CYP4F12: variants seen among roughly 807,000 people sequenced by gnomAD.
CYP4F12 encodes the protein cytochrome P450 family 4 subfamily F member 12, also known as cytochrome P450 4F12.
In CYP4F12, 60 loss-of-function variants were observed where a neutral mutation model predicts 56.5. The ratio of observed to expected loss-of-function variants is 1.06; its 90% CI spans 0.86 to 1.32. The LOEUF (loss-of-function observed/expected upper bound fraction) is 1.32, where lower values mean the gene tolerates loss of function less well. CYP4F12 is among the 40% of genes most tolerant of loss of function. The probability of loss-of-function intolerance (pLI) is 0.00; values close to 1 mark genes in which losing one functional copy is unlikely to be tolerated. For missense variants in CYP4F12, 711 were observed against 683.5 expected (o/e 1.04, Z -0.45); for synonymous variants, 263 against 264.9 (o/e 0.99, Z 0.07).
At chr19:15,687,974 C>G (rs950459164) in intron 9 of CYP4F12, among the ~76,000 whole-genome samples, 1 of 152,102 alleles carries the variant, frequency 6.6e-6, no homozygotes, top group African/African-American at 2.4e-5. Context: ...ACTCCCTTGA[C>G]CAGAACCCGG....
At chr19:15,695,552 T>G (rs2008088580) in intron 9 of CYP4F12, among the ~76,000 whole-genome samples, 1 of 152,012 alleles carries the variant, frequency 6.6e-6, no homozygotes, top group Admixed American at 6.5e-5. Context: ...CCTTGCCTAA[T>G]TGCACTTGCT....
Position 15,689,149 on chromosome 19 carries a change from C to T in CYP4F12, c.1115+3952C>T, listed in dbSNP as rs546277341. ...ACAAAATAATAATAATAATAATAGCCGACTTAACAGACAACCTACAGAGTG... is the reference window on the plus strand; with the variant it reads ...ACAAAATAATAATAATAATAATAGCTGACTTAACAGACAACCTACAGAGTG... On this transcript the variant is annotated intron_variant, in intron 9 of 12. Transcript: ENST00000550308. Among the ~76,000 whole-genome samples, 16 of 84,028 alleles carry T rather than the reference C, an allele frequency of 1.9e-4. 1 individual carries two copies. In the South Asian group the frequency reaches 3.8e-3, roughly 20 times the overall value. 55.1% of individuals were successfully genotyped at this position (84,028 alleles called of 152,430 possible).
chr19:15,673,464 T>C, intron 1 of CYP4F12, 65 bp from the exon 2 acceptor site: 1 of 1,523,566 alleles, frequency 6.6e-7, no homozygotes, highest in Non-Finnish European at 9.0e-7. Flanking sequence ...TTCGCCCCTA[T>C]ACACTGTCCC....
chr19:15,696,606 C>T, intron 12 of CYP4F12, 94 bp downstream of exon 12: 1 of 1,403,502 alleles, frequency 7.1e-7, no homozygotes, highest in South Asian at 1.3e-5. Context: ...TCCAGCTCTC[C>T]TTCCCTCCAT....
rs1599935067 is a variant in CYP4F12 at position 15,673,693 on chromosome 19, C to A, written c.164C>A (p.Pro55Gln). 1 of 1,614,112 alleles carries A rather than the reference C, an allele frequency of 6.2e-7. No individual in the cohort carries two copies. The highest frequency in any genetic ancestry group is 1.7e-5 in the Admixed American group (1 of 60,006). The change falls in exon 2 of 13, where the codon CCA (proline) becomes CAA (glutamine). Residue 55 changes from proline to glutamine, a missense_variant. Physicochemically the swap from Pro to Gln is moderately conservative, Grantham distance 76. Transcript: ENST00000550308. ...CRRLQCFPQP[P>Q]KRNWFWGHLG... is the part of the protein sequence containing the mutation. ...CGGCTCCAGTGTTTCCCACAGCCCC[C>A]AAAACGGAACTGGTTTTGGGGTCAC...
At position 15,673,654 on chromosome 19, in the gene CYP4F12, A is replaced by G. The variant is rs751728638; in HGVS notation, c.125A>G (p.Tyr42Cys). 21 of 1,614,094 alleles carry G rather than the reference A, an allele frequency of 1.3e-5. No homozygotes were observed. The highest frequency in any genetic ancestry group is 4.4e-5 in the South Asian group (4 of 91,078). Reference protein sequence around the residue: ...ARILAWTYAFYNNCRRLQCFP... With the variant: ...ARILAWTYAFCNNCRRLQCFP... The stretch of plus-strand genomic sequence containing the variant: ...ATCCTGGCTTGGACCTATGCCTTCT[A>G]TAACAACTGCCGCCGGCTCCAGTGT... The change falls in exon 2 of 13, where the codon TAT becomes TGT. Residue 42 changes from tyrosine to cysteine, a missense_variant. Tyr to Cys is a radical substitution (Grantham distance 194). Coordinates refer to ENST00000550308, the MANE Select transcript of CYP4F12 (RefSeq NM_023944.4).
chr19:15,693,081 C>T (rs929980528), intron 9 of CYP4F12, among the ~76,000 whole-genome samples: 10 of 151,954 alleles, frequency 6.6e-5, no homozygotes, highest in East Asian at 1.9e-4. Context: ...TCCCTCCCCC[C>T]ATCAAAAAAG....
chr19:15,675,084 C>A (rs1004726428), intron 2 of CYP4F12, among the ~76,000 whole-genome samples: 1 of 152,228 alleles, frequency 6.6e-6, no homozygotes, highest in Non-Finnish European at 1.5e-5. Flanking sequence ...TCTCCCACAC[C>A]CTCTCCTTCC....
intron 1 of CYP4F12, 93 bp from the exon 2 acceptor site, chr19:15,673,436 C>T (rs2006723721): frequency 7.1e-7 from 1 of 1,412,714 alleles, no homozygotes; most frequent in East Asian, 2.3e-5. Context: ...CCCTGCCCTG[C>T]CCCCAGCAGT....
rs752721027 is a variant in CYP4F12, at chr19:15,696,001, C to T, written c.1181C>T (p.Pro394Leu). The T allele has an allele frequency of 5.6e-6, 9 of 1,613,890 alleles. No individual in the cohort carries two copies. The highest frequency in any genetic ancestry group is 7.6e-6 in the Non-Finnish European group (9 of 1,179,968). The change falls in exon 10 of 13, where the codon CCA becomes CTA. Residue 394 changes from proline to leucine, a missense_variant. Coordinates refer to ENST00000550308, the MANE Select transcript of CYP4F12 (RefSeq NM_023944.4). Reference sequence around the variant, plus strand: ...AAGGAGAGCCTGAGGTTACATCCCCCAGCTCCCTTCATCTCCCGATGCTGC... The same window carrying T: ...AAGGAGAGCCTGAGGTTACATCCCCTAGCTCCCTTCATCTCCCGATGCTGC... Reference protein sequence around the residue: ...CVKESLRLHPPAPFISRCCTQ... With the variant: ...CVKESLRLHPLAPFISRCCTQ...
chr19:15,692,852 T>C (rs2007934767), intron 9 of CYP4F12, among the ~76,000 whole-genome samples: 1 of 152,010 alleles, frequency 6.6e-6, no homozygotes, highest in Non-Finnish European at 1.5e-5. Flanking sequence ...GGTGGGCAGA[T>C]CACTTGAGAT....
rs772148676 is a variant in CYP4F12, at chr19:15,685,175, C to G, written c.1093C>G (p.Arg365Gly). 4.0e-5 allele frequency: 65 copies of G among 1,613,988 alleles called. No individual in the cohort carries two copies. Among genetic ancestry groups the G allele is most frequent in the Admixed American group, 2.7e-4 (16 of 60,000 alleles). Residue 365 changes from arginine to glycine, a missense_variant, in exon 9 of 13, where the codon CGC becomes GGC. Arg to Gly is a moderately radical substitution (Grantham distance 125). Transcript: ENST00000550308. Reference protein sequence around the residue: ...RQEVQELLKDRDPKEIEWDDL... With the variant: ...RQEVQELLKDGDPKEIEWDDL... The stretch of plus-strand genomic sequence containing the variant: ...GGAGGTGCAAGAGCTTCTGAAGGAC[C>G]GCGATCCTAAAGAGATTGAATGGTG...
Position 15,676,742 on chromosome 19 carries a change from C to T in CYP4F12, c.199-1519C>T, listed in dbSNP as rs1268323732. Among the ~76,000 whole-genome samples, 2 of 17,570 alleles carry T rather than the reference C, an allele frequency of 1.1e-4. 1 individual carries two copies. Among genetic ancestry groups the T allele is most frequent in the Non-Finnish European group, 2.4e-4 (2 of 8,178 alleles). The allele number at this position is 17,570 out of a possible 152,430, so 11.5% of individuals were successfully genotyped here. A position where few individuals can be genotyped will look rare whatever the true frequency, so the allele number is the denominator to read the frequency against. Reference sequence around the variant, plus strand: ...CATTCCTCACTCACTCATTCCTCTCCTCACTCACTCATTCCCCTCCTCACT... The same window carrying T: ...CATTCCTCACTCACTCATTCCTCTCTTCACTCACTCATTCCCCTCCTCACT... On this transcript the variant is annotated intron_variant, in intron 2 of 12. Transcript: ENST00000550308.
intron 9 of CYP4F12, among the ~76,000 whole-genome samples, chr19:15,690,908 A>T (rs1457455942): frequency 1.3e-5 from 2 of 152,144 alleles, no homozygotes; most frequent in African/African-American, 2.4e-5. Context: ...ATATCTTTCT[A>T]TCATCGATCT....
chr19:15,673,380 T>C (rs1387411131), intron 1 of CYP4F12, 149 bp from the exon 2 acceptor site: 3 of 858,424 alleles, frequency 3.5e-6, no homozygotes, highest in East Asian at 5.3e-5. Context: ...GGTTGGGACT[T>C]TCTGGACTTC....
At chr19:15,674,646 T>A (rs1470479756) in intron 2 of CYP4F12, among the ~76,000 whole-genome samples, 1 of 152,094 alleles carries the variant, frequency 6.6e-6, no homozygotes, top group Non-Finnish European at 1.5e-5. Flanking sequence ...CACTTTTTGC[T>A]CTCCCCACTC....
chr19:15,682,364 T>C lies in CYP4F12; in HGVS notation c.526-25T>C, dbSNP rs755642845. 4.3e-6 allele frequency: 7 copies of C among 1,610,100 alleles called. No homozygotes were observed. In the African/African-American group the frequency reaches 8.0e-5, roughly 18 times the overall value. ...GCACAAAGGAGGCAGGGCCCAGCTC[T>C]AGCTCTCTTCCCTTCTCTGGCCAGG... On this transcript the variant is annotated intron_variant, in intron 5 of 12. Transcript: ENST00000550308.
rs771018397 is a variant in CYP4F12, at chr19:15,682,504, G to T, written c.641G>T (p.Cys214Phe). The change falls in exon 6 of 13, where the codon TGT (cysteine) becomes TTT (phenylalanine). Residue 214 changes from cysteine to phenylalanine, a missense_variant. Transcript: ENST00000550308. ...QKCIFSFDSH[C>F]QERPSEYIAT... Reference sequence around the variant, plus strand: ...TGCATCTTCAGCTTTGACAGCCATTGTCAGGAGTGAGTTCCTTCCTAGGGC... The same window carrying T: ...TGCATCTTCAGCTTTGACAGCCATTTTCAGGAGTGAGTTCCTTCCTAGGGC... The T allele has an allele frequency of 1.9e-5, 30 of 1,613,492 alleles. No homozygotes were observed. The highest frequency in any genetic ancestry group is 2.5e-5 in the Non-Finnish European group (29 of 1,179,568).
chr19:15,680,760 A>G, intron 5 of CYP4F12: 1 of 548,442 alleles, frequency 1.8e-6, no homozygotes, highest in Non-Finnish European at 3.3e-6. Flanking sequence ...ATCCCTGTAA[A>G]CTCAAGAGAG....
Sources: allele counts gnomAD v4.1 joint callset (sites outside exome capture counted in the v4.1 genomes callset), GRCh38; gene constraint gnomAD v4.1.1; transcripts MANE v1.5; gene names NCBI Gene and HGNC (gene_info 2026-07-23, HGNC 2026-07-21).